Variants in NSL1 observed in about 807,000 individuals in gnomAD.
NSL1 encodes kinetochore-associated protein NSL1 homolog.
Under a neutral mutation model 25.4 loss-of-function variants are expected in NSL1, and 11 were observed. That is an observed-to-expected ratio of 0.43 (90% CI 0.27 to 0.72). NSL1 has a LOEUF of 0.72. NSL1 is among the 30% of genes least tolerant of loss of function. The probability of loss-of-function intolerance (pLI) is 0.19; values close to 1 mark genes in which losing one functional copy is unlikely to be tolerated. For missense variants in NSL1, 330 were observed against 342.7 expected, an observed-to-expected ratio of 0.96 and a Z score of 0.29; for synonymous variants, 118 against 120.6, an observed-to-expected ratio of 0.98 and a Z score of 0.14.
intron 4 of NSL1, among the ~76,000 whole-genome samples, chr1:212,757,978 C>T (rs1659392523): frequency 6.6e-6 from 1 of 152,168 alleles, no homozygotes; most frequent in African/African-American, 2.4e-5. Flanking sequence ...GATGTACAGG[C>T]ATCATGCAAT....
rs1658322787 is a variant in NSL1 at position 212,738,296 on chromosome 1, T to C, written c.*112A>G. The stretch of plus-strand genomic sequence containing the variant: ...TACTATATCTGTATAAATGAATCAC[T>C]AGTAAAAGAGTTATTTCTTATTTCA... On this transcript the variant is annotated 3_prime_UTR_variant, in exon 6 of 6. Coordinates refer to ENST00000366977, the MANE Select transcript of NSL1 (RefSeq NM_015471.4). 11 of 1,486,026 alleles carry C rather than the reference T, an allele frequency of 7.4e-6. No individual in the cohort carries two copies. Among genetic ancestry groups the C allele is most frequent in the Non-Finnish European group, 9.8e-6 (11 of 1,121,642 alleles). 92.1% of individuals were successfully genotyped at this position (1,486,026 alleles called of 1,614,324 possible).
intron 4 of NSL1, among the ~76,000 whole-genome samples, chr1:212,777,437 G>A (rs1175555869): frequency 6.6e-6 from 1 of 151,906 alleles, no homozygotes; most frequent in Non-Finnish European, 1.5e-5. Context: ...TAGTCCCCCT[G>A]TAAAGGAATG....
At chr1:212,756,559 C>T (rs912478876) in intron 4 of NSL1, among the ~76,000 whole-genome samples, 1 of 152,140 alleles carries the variant, frequency 6.6e-6, no homozygotes, top group African/African-American at 2.4e-5. Flanking sequence ...GTGGCTCATG[C>T]CTGTAATCCC....
intron 4 of NSL1, among the ~76,000 whole-genome samples, chr1:212,773,679 G>A (rs1167564331): frequency 6.6e-6 from 1 of 152,036 alleles, no homozygotes; most frequent in Admixed American, 6.6e-5. Flanking sequence ...CACCATTCCT[G>A]CCACTGGGTA....
In NSL1 at chr1:212,738,540, C is replaced by T. The variant is rs756573539; in HGVS notation, c.714G>A (p.Gln238=). Residue 238 remains glutamine, a synonymous_variant, in exon 6 of 6, where the codon CAG becomes CAA. Coordinates refer to ENST00000366977, the MANE Select transcript of NSL1 (RefSeq NM_015471.4). ...CAGTCTCTGTTGGTGTGGTTTCTAT[C>T]TGTGTTATAAAGTTCTCAGGTTTAG... is the stretch of plus-strand genomic sequence containing the variant. The part of the protein sequence containing the change: ...PDAKPENFIT[Q]IETTPTETAS... The T allele has an allele frequency of 1.2e-6, 2 of 1,613,982 alleles. No homozygotes were observed. The highest frequency in any genetic ancestry group is 2.2e-5 in the South Asian group (2 of 91,084).
In NSL1 at chr1:212,764,818, C is replaced by G. The variant is rs150115377; in HGVS notation, c.499+17554G>C. ...CCAAGATCACACCACTGCACTCCAG[C>G]CTGGGTGACACAGCAAGACTGTCTC... On this transcript the variant is annotated intron_variant, in intron 4 of 5. Coordinates refer to ENST00000366977, the MANE Select transcript of NSL1 (RefSeq NM_015471.4). Among the ~76,000 whole-genome samples the G allele has an allele frequency of 8.9e-3, 1,072 of 119,952 alleles. 3 individuals carry two copies. Among genetic ancestry groups the G allele is most frequent in the Middle Eastern group, 0.064 (9 of 140 alleles). The allele number at this position is 119,952 out of a possible 152,430, so 78.7% of individuals were successfully genotyped here. A position where few individuals can be genotyped will look rare whatever the true frequency, so the allele number is the denominator to read the frequency against.
chr1:212,746,844 G>A (rs55851960), intron 4 of NSL1, among the ~76,000 whole-genome samples: 12,979 of 152,226 alleles, frequency 0.085, 645 homozygotes, highest in Middle Eastern at 0.15. Flanking sequence ...ATGTGTGGTA[G>A]TCTTCAAGAT....
intron 4 of NSL1, among the ~76,000 whole-genome samples, chr1:212,781,102 A>G (rs1052915134): frequency 7.9e-5 from 12 of 152,210 alleles, no homozygotes; most frequent in African/African-American, 2.2e-4. Context: ...GAAAATGCAT[A>G]ATGAAAAAAC....
rs1658166469 is a variant in NSL1 at position 212,734,714 on chromosome 1, T to C, written c.*3694A>G. Among the ~76,000 whole-genome samples the C allele has an allele frequency of 6.6e-6, 1 of 152,244 alleles. No individual in the cohort carries two copies. Among genetic ancestry groups the C allele is most frequent in the Admixed American group, 6.5e-5 (1 of 15,282 alleles). On this transcript the variant is annotated 3_prime_UTR_variant, in exon 6 of 6. Transcript: ENST00000366977. ...AACAGTAATTTGTTCTTTATTCCTG[T>C]ATTCCTTCCCTGATTATTTGCCTAA...
At chr1:212,751,234 T>C (rs915782493) in intron 4 of NSL1, among the ~76,000 whole-genome samples, 1 of 152,178 alleles carries the variant, frequency 6.6e-6, no homozygotes, top group Non-Finnish European at 1.5e-5. Flanking sequence ...CATGAAAACT[T>C]TCCCTACCTG....
At position 212,728,665 on chromosome 1, in the gene NSL1, T is replaced by TG. The variant is rs1269167876; in HGVS notation, c.*9742dup. 1.0e-6 allele frequency: 1 copy of TG among 985,350 alleles called. No homozygotes were observed. The highest frequency in any genetic ancestry group is 1.2e-6 in the Non-Finnish European group (1 of 829,948). The allele number at this position is 985,350 out of a possible 1,614,324, so 61.0% of individuals were successfully genotyped here. On this transcript the variant is annotated 3_prime_UTR_variant, in exon 6 of 6. Transcript: ENST00000366977. ...GAGTGAAGGGAACCACAGGCTTATC[T>TG]GCACATCACTTATACCATTTGGTGA...
intron 4 of NSL1, among the ~76,000 whole-genome samples, chr1:212,753,886 G>T (rs1304782277): frequency 1.3e-5 from 2 of 152,198 alleles, no homozygotes; most frequent in Non-Finnish European, 2.9e-5. Context: ...TAATGAGGGT[G>T]GTTAGGTAAG....
At position 212,732,046 on chromosome 1, in the gene NSL1, T is replaced by TTA. The variant is rs1553250241; in HGVS notation, c.*6361_*6362insTA. The TTA allele has an allele frequency of 1.8e-4, 171 of 967,982 alleles. No homozygotes were observed. Among genetic ancestry groups the TTA allele is most frequent in the Middle Eastern group, 5.3e-4 (1 of 1,876 alleles). The allele number at this position is 967,982 out of a possible 1,614,324, so 60.0% of individuals were successfully genotyped here. A position where few individuals can be genotyped will look rare whatever the true frequency, so the allele number is the denominator to read the frequency against. The stretch of plus-strand genomic sequence containing the variant: ...TGTCCCAATTTTTTTTTTTTTTTTT[T>TTA]ACTGAATTCAGATTCAGGGTTTTTA... On this transcript the variant is annotated 3_prime_UTR_variant, in exon 6 of 6. Coordinates refer to ENST00000366977, the MANE Select transcript of NSL1 (RefSeq NM_015471.4).
At chr1:212,738,763 C>A in intron 5 of NSL1, 77 bp from the exon 6 acceptor site, 4 of 1,196,732 alleles carry the variant, frequency 3.3e-6, no homozygotes, top group South Asian at 1.6e-5. Flanking sequence ...ATGCAGTACT[C>A]TAATTTTTTT....
intron 4 of NSL1, among the ~76,000 whole-genome samples, chr1:212,758,230 A>C (rs1247872660): frequency 1.3e-5 from 2 of 152,224 alleles, no homozygotes; most frequent in Non-Finnish European, 2.9e-5. Flanking sequence ...ACTTCAGAGC[A>C]TTAAGAATAT....
intron 4 of NSL1, among the ~76,000 whole-genome samples, chr1:212,772,551 C>T (rs1660170355): frequency 6.6e-6 from 1 of 151,900 alleles, no homozygotes; most frequent in Non-Finnish European, 1.5e-5. Flanking sequence ...GTAGTGTGCA[C>T]CTGTAATCCC....
chr1:212,791,162 C>G (rs971785379), intron 1 of NSL1, among the ~76,000 whole-genome samples: 1 of 151,902 alleles, frequency 6.6e-6, no homozygotes, highest in African/African-American at 2.4e-5. Flanking sequence ...AAGCTTAGTA[C>G]GAACAAAAGA....
At chr1:212,762,727 C>T (rs72758444) in intron 4 of NSL1, among the ~76,000 whole-genome samples, 1 of 152,098 alleles carries the variant, frequency 6.6e-6, no homozygotes, top group Admixed American at 6.5e-5. Context: ...TTAACCCTAC[C>T]GAGAGCTGGA....
At chr1:212,749,345 T>G (rs1039855596) in intron 4 of NSL1, among the ~76,000 whole-genome samples, 12 of 143,116 alleles carry the variant, frequency 8.4e-5, no homozygotes, top group Non-Finnish European at 1.8e-4. Context: ...TTGTGTTTTT[T>G]TTTTTTTTTT....
Sources: gnomAD v4.1 joint callset for allele counts (sites outside exome capture counted in the v4.1 genomes callset) on GRCh38, gnomAD v4.1.1 for gene constraint, MANE v1.5 for transcripts, NCBI Gene and HGNC (gene_info 2026-07-23, HGNC 2026-07-21) for gene names.